The following GLCCI1 variants were observed in gnomAD, a reference collection of about 807,000 sequenced individuals.
GLCCI1 encodes the protein glucocorticoid induced 1.
A neutral mutation model predicts 52.2 loss-of-function variants in GLCCI1; 24 were observed. That is an observed-to-expected ratio of 0.46 (90% CI 0.33 to 0.65). GLCCI1 has a LOEUF of 0.65. Among genes scored for constraint, GLCCI1 ranks in the 30% least tolerant of loss-of-function variants. The probability of loss-of-function intolerance (pLI) is 0.02; values close to 1 mark genes in which losing one functional copy is unlikely to be tolerated. For missense variants in GLCCI1, 704 were observed against 701.5 expected (o/e 1.00, Z -0.04); for synonymous variants, 310 against 276.5 (o/e 1.12, Z -1.20).
intron 3 of GLCCI1, among the ~76,000 whole-genome samples, chr7:8,029,256 T>C (rs2127951055): frequency 6.6e-6 from 1 of 152,326 alleles, no homozygotes; most frequent in East Asian, 1.9e-4. Flanking sequence ...TCATTCATCC[T>C]GTCCAAGTGG....
chr7:8,085,696 A>G (rs1430557399), intron 7 of GLCCI1, among the ~76,000 whole-genome samples: 2 of 150,706 alleles, frequency 1.3e-5, no homozygotes, highest in East Asian at 3.9e-4. Context: ...TGTGGACCCA[A>G]CCTCTGTTGA....
intron 4 of GLCCI1, among the ~76,000 whole-genome samples, chr7:8,059,264 T>G (rs1466075637): frequency 6.6e-6 from 1 of 152,198 alleles, no homozygotes; most frequent in Non-Finnish European, 1.5e-5. Flanking sequence ...CAAAAGACAC[T>G]GATGAGCAGC....
intron 3 of GLCCI1, among the ~76,000 whole-genome samples, chr7:8,041,186 G>A (rs975006126): frequency 6.6e-6 from 1 of 152,194 alleles, no homozygotes; most frequent in East Asian, 1.9e-4. Flanking sequence ...GAAAATTTGA[G>A]TGGACTAGAT....
chr7:8,084,755 A>AT (rs1182042245), intron 6 of GLCCI1, 142 bp from the exon 7 acceptor site: 1 of 726,118 alleles, frequency 1.4e-6, no homozygotes, highest in Non-Finnish European at 2.2e-6. Flanking sequence ...TACACAGGGT[A>AT]TAAGAAATAG....
At chr7:8,078,114 G>A (rs1288533970) in intron 6 of GLCCI1, among the ~76,000 whole-genome samples, 1 of 148,600 alleles carries the variant, frequency 6.7e-6, no homozygotes, top group African/African-American at 2.5e-5. Context: ...GGCACCTGTA[G>A]TCCCAGCTAC....
chr7:8,080,757 T>A, intron 6 of GLCCI1, among the ~76,000 whole-genome samples: 1 of 146,890 alleles, frequency 6.8e-6, no homozygotes, highest in South Asian at 2.1e-4. Flanking sequence ...GATGTGTTAC[T>A]TTTTACTATA....
intron 3 of GLCCI1, among the ~76,000 whole-genome samples, chr7:8,027,939 C>G (rs1781658235): frequency 6.6e-6 from 1 of 152,144 alleles, no homozygotes; most frequent in East Asian, 1.9e-4. Flanking sequence ...TATATATGTA[C>G]TGGAGCACCC....
rs558618121 is a variant in GLCCI1 at position 8,063,207 on chromosome 7, G to C, written c.966+2959G>C. On this transcript the variant is annotated intron_variant, in intron 5 of 7. Coordinates refer to ENST00000223145, the MANE Select transcript of GLCCI1 (RefSeq NM_138426.4). Reference sequence around the variant, plus strand: ...GGTTGGAGTGCAATGGCGTGATCTTGGCTTACTGCAACTTCTGCCTCCCAG... The same window carrying C: ...GGTTGGAGTGCAATGGCGTGATCTTCGCTTACTGCAACTTCTGCCTCCCAG... 1.6e-4 allele frequency among the ~76,000 whole-genome samples: 24 copies of C among 152,164 alleles called. 1 individual carries two copies. In the South Asian group the frequency reaches 3.9e-3, roughly 25 times the overall value.
intron 1 of GLCCI1, among the ~76,000 whole-genome samples, chr7:7,972,345 G>A (rs931418612): frequency 9.9e-5 from 15 of 152,000 alleles, no homozygotes; most frequent in Admixed American, 8.5e-4. Flanking sequence ...GTGTGTGTGC[G>A]CGCAAGAGGG....
intron 6 of GLCCI1, among the ~76,000 whole-genome samples, chr7:8,081,042 TA>T (rs1403540815): frequency 6.6e-6 from 1 of 152,106 alleles, no homozygotes; most frequent in Non-Finnish European, 1.5e-5. Flanking sequence ...ATTTTATAGA[TA>T]AAAAAACAGA....
intron 2 of GLCCI1, among the ~76,000 whole-genome samples, chr7:8,007,050 C>G (rs538425726): frequency 3.9e-5 from 6 of 152,216 alleles, no homozygotes; most frequent in African/African-American, 1.4e-4. Context: ...CGTCCATGCT[C>G]TTTGCTCCCA....
At chr7:7,974,276 A>G (rs918929939) in intron 1 of GLCCI1, among the ~76,000 whole-genome samples, 1 of 152,088 alleles carries the variant, frequency 6.6e-6, no homozygotes, top group Non-Finnish European at 1.5e-5. Context: ...ATCAAAATCT[A>G]TTGTCTTATG....
At chr7:7,996,234 CTCATTAG>C (rs1191465974) in intron 1 of GLCCI1, among the ~76,000 whole-genome samples, 1 of 152,026 alleles carries the variant, frequency 6.6e-6, no homozygotes, top group African/African-American at 2.4e-5. Flanking sequence ...AGTATATGAA[CTCATTAG>C]TCATAGTGGA....
chr7:8,078,121 C>G (rs773312408), intron 6 of GLCCI1, among the ~76,000 whole-genome samples: 1 of 148,934 alleles, frequency 6.7e-6, no homozygotes, highest in Non-Finnish European at 1.5e-5. Flanking sequence ...GTAGTCCCAG[C>G]TACTCGGGAG....
Position 8,088,095 on chromosome 7 carries a change from A to G in GLCCI1, c.*1557A>G, listed in dbSNP as rs527670449. 1 of 152,316 alleles carries G rather than the reference A, an allele frequency of 6.6e-6. No individual in the cohort carries two copies. The highest frequency in any genetic ancestry group is 1.9e-4 in the East Asian group (1 of 5,186). The allele number at this position is 152,316 out of a possible 1,614,324, so 9.4% of individuals were successfully genotyped here. A position where few individuals can be genotyped will look rare whatever the true frequency, so the allele number is the denominator to read the frequency against. On this transcript the variant is annotated 3_prime_UTR_variant, in exon 8 of 8. Transcript: ENST00000223145. ...TAAGAATTAGGGGAACCAGGTGCCTACAGTTAAAGGAACGTTTCAGTTCCT... is the reference window on the plus strand; with the variant it reads ...TAAGAATTAGGGGAACCAGGTGCCTGCAGTTAAAGGAACGTTTCAGTTCCT...
In GLCCI1 at chr7:8,049,058, T is replaced by G. The variant is rs545720586; in HGVS notation, c.697-6375T>G. ...ATTTACTATTCTTTAAGGCACTCAG[T>G]GGAAAGAAGAATAAAATCACATGTT... is the stretch of plus-strand genomic sequence containing the variant. On this transcript the variant is annotated intron_variant, in intron 3 of 7. Coordinates refer to ENST00000223145, the MANE Select transcript of GLCCI1 (RefSeq NM_138426.4). 3.9e-5 allele frequency among the ~76,000 whole-genome samples: 6 copies of G among 152,312 alleles called. No homozygotes were observed. In the South Asian group the frequency reaches 1.2e-3, roughly 32 times the overall value.
rs551647212 is a variant in GLCCI1 at position 8,076,193 on chromosome 7, T to C, written c.1177+5062T>C. Among the ~76,000 whole-genome samples the C allele has an allele frequency of 4.2e-4, 64 of 152,330 alleles. 2 individuals carry two copies. The South Asian group carries it at 0.011, about 27-fold the overall frequency. Reference sequence around the variant, plus strand: ...TTTAGATAAATCAGCCAAGATTTTATGGCACTTTTCTTTTGGGGGTTTATA... The same window carrying C: ...TTTAGATAAATCAGCCAAGATTTTACGGCACTTTTCTTTTGGGGGTTTATA... On this transcript the variant is annotated intron_variant, in intron 6 of 7. Coordinates refer to ENST00000223145, the MANE Select transcript of GLCCI1 (RefSeq NM_138426.4).
rs550501933 is a variant in GLCCI1, at chr7:8,013,817, G to A, written c.610-8666G>A. Among the ~76,000 whole-genome samples the A allele has an allele frequency of 1.0e-3, 157 of 151,988 alleles. 1 individual carries two copies. The highest frequency in any genetic ancestry group is 6.2e-4 in the Non-Finnish European group (42 of 67,948). On this transcript the variant is annotated intron_variant, in intron 2 of 7. Coordinates refer to ENST00000223145, the MANE Select transcript of GLCCI1 (RefSeq NM_138426.4). ...GGACATCTTCAACTTGACTTTTCTT[G>A]TTTCTAGTAATTTTTAGGTAATTTT...
intron 3 of GLCCI1, among the ~76,000 whole-genome samples, chr7:8,050,518 T>C (rs185290443): frequency 6.3e-4 from 96 of 152,264 alleles, no homozygotes; most frequent in African/African-American, 2.2e-3. Context: ...AACATTAAAG[T>C]TTGTCGTATA....
Sources: allele counts gnomAD v4.1 joint callset (sites outside exome capture counted in the v4.1 genomes callset), GRCh38; gene constraint gnomAD v4.1.1; transcripts MANE v1.5; gene names NCBI Gene and HGNC (gene_info 2026-07-23, HGNC 2026-07-21).